The following COL4A5 variants were observed in gnomAD, a reference collection of about 807,000 sequenced individuals.
COL4A5 encodes collagen type IV alpha 5 chain.
Under a neutral mutation model 130.2 loss-of-function variants are expected in COL4A5, and 26 were observed. That is an observed-to-expected ratio of 0.20 (90% CI 0.15 to 0.28). COL4A5 has a LOEUF of 0.28. Ranked by LOEUF, COL4A5 falls within the 10% of genes least tolerant of loss-of-function variation. COL4A5 has a pLI of 1.00. For missense variants in COL4A5, 1,131 were observed against 1,344.3 expected (o/e 0.84, Z 2.48); for synonymous variants, 496 against 439.6 (o/e 1.13, Z -1.60).
At chrX:108,518,605 GA>G (rs1271618433) in intron 1 of COL4A5, among the ~76,000 whole-genome samples, 4 of 110,407 alleles carry the variant, frequency 3.6e-5, no homozygotes, top group Non-Finnish European at 5.7e-5. Flanking sequence ...ACATTAGGGG[GA>G]AAAAACATAT....
At chrX:108,496,485 T>C (rs1211526186) in intron 1 of COL4A5, among the ~76,000 whole-genome samples, 1 of 111,819 alleles carries the variant, frequency 8.9e-6, no homozygotes, top group African/African-American at 3.2e-5. Context: ...GAATATGTTC[T>C]ATCTTGGTGT....
chrX:108,591,064 C>A lies in COL4A5; in HGVS notation c.1172C>A (p.Ala391Glu). ...PPGLPGPPGA[A>E]VMGPPGPPGF... ...TCACTTTTTTGAATCTTAGGGGCTG[C>A]AGTTATGGGTCCTCCTGGCCCTCCT... The change falls in exon 20 of 53, where the codon GCA (alanine) becomes GAA (glutamate). Residue 391 changes from alanine to glutamate, a missense_variant. Ala to Glu is a moderately radical substitution (Grantham distance 107). Coordinates refer to ENST00000328300, the MANE Select transcript of COL4A5 (RefSeq NM_033380.3). The A allele has an allele frequency of 8.3e-7, 1 of 1,208,768 alleles. No individual in the cohort carries two copies. The highest frequency in any genetic ancestry group is 1.1e-6 in the Non-Finnish European group (1 of 894,184).
intron 1 of COL4A5, among the ~76,000 whole-genome samples, chrX:108,446,387 G>A (rs2064452309): frequency 8.9e-6 from 1 of 112,084 alleles, no homozygotes; most frequent in African/African-American, 3.2e-5. Flanking sequence ...ATCGTAAGAA[G>A]TGCTGCCATG....
At chrX:108,458,606 A>G (rs1246811760) in intron 1 of COL4A5, among the ~76,000 whole-genome samples, 2 of 111,779 alleles carry the variant, frequency 1.8e-5, no homozygotes, top group African/African-American at 6.5e-5. Flanking sequence ...TATTTAATCT[A>G]TAGGTCATTT....
intron 1 of COL4A5, among the ~76,000 whole-genome samples, chrX:108,442,445 A>T (rs1487772305): frequency 8.9e-6 from 1 of 111,888 alleles, no homozygotes; most frequent in Non-Finnish European, 1.9e-5. Context: ...AGTTGGAAAT[A>T]TAATTTTTAG....
At position 108,687,579 on chromosome X, in the gene COL4A5, A is replaced by C; in HGVS notation, c.4413A>C (p.Thr1471=). 1.7e-6 allele frequency: 2 copies of C among 1,211,340 alleles called. No homozygotes were observed. The highest frequency in any genetic ancestry group is 3.5e-5 in the African/African-American group (2 of 57,708). Residue 1471 remains threonine (T), a synonymous_variant, in exon 49 of 53, where the codon ACA becomes ACC. Transcript: ENST00000328300. ...CTGTTGCACATGGATTTCTTATTAC[A>C]CGCCACAGCCAGACAACGGATGCAC... The part of the protein sequence containing the change: ...TSSVAHGFLI[T]RHSQTTDAPQ...
At chrX:108,449,498 G>C (rs762924929) in intron 1 of COL4A5, among the ~76,000 whole-genome samples, 1 of 111,770 alleles carries the variant, frequency 8.9e-6, no homozygotes, top group Non-Finnish European at 1.9e-5. Flanking sequence ...GGACCCCTAC[G>C]GTTCCTGAAA....
At chrX:108,661,825 C>G (rs745398426) in intron 37 of COL4A5, among the ~76,000 whole-genome samples, 1 of 111,162 alleles carries the variant, frequency 9.0e-6, no homozygotes, top group Admixed American at 9.6e-5. Context: ...CTTTGTCTTA[C>G]GTGTATCCCT....
intron 1 of COL4A5, among the ~76,000 whole-genome samples, chrX:108,444,421 A>G (rs1296768100): frequency 5.4e-5 from 6 of 110,763 alleles, no homozygotes; most frequent in African/African-American, 2.0e-4. Context: ...GGGTTTCACC[A>G]TGTTAGCCAG....
chrX:108,691,411 C>T (rs2068638059), intron 49 of COL4A5, among the ~76,000 whole-genome samples: 2 of 111,166 alleles, frequency 1.8e-5, no homozygotes, highest in Non-Finnish European at 3.8e-5. Flanking sequence ...TTAAAGTCTC[C>T]ATTAACTCAA....
chrX:108,456,359 C>A (rs2064584624), intron 1 of COL4A5, among the ~76,000 whole-genome samples: 1 of 112,042 alleles, frequency 8.9e-6, no homozygotes, highest in African/African-American at 3.2e-5. Context: ...ACTTTATGCA[C>A]AGTTCTATTA....
At chrX:108,556,649 A>G (rs2065825964) in intron 2 of COL4A5, among the ~76,000 whole-genome samples, 1 of 111,483 alleles carries the variant, frequency 9.0e-6, no homozygotes, top group Non-Finnish European at 1.9e-5. Flanking sequence ...GAAAATCTAC[A>G]GTAGTTGTAA....
chrX:108,628,204 T>C (rs905041239), intron 36 of COL4A5, among the ~76,000 whole-genome samples: 1 of 111,108 alleles, frequency 9.0e-6, no homozygotes, highest in Non-Finnish European at 1.9e-5. Context: ...GGTTCATGAT[T>C]ACAAACATAT....
At chrX:108,516,287 G>T (rs747321306) in intron 1 of COL4A5, among the ~76,000 whole-genome samples, 5 of 112,136 alleles carry the variant, frequency 4.5e-5, no homozygotes, top group African/African-American at 1.3e-4. Context: ...TCGAACACAG[G>T]TTTTGACTGC....
intron 1 of COL4A5, among the ~76,000 whole-genome samples, chrX:108,452,891 C>T (rs2064539091): frequency 9.0e-6 from 1 of 110,871 alleles, no homozygotes; most frequent in African/African-American, 3.3e-5. Flanking sequence ...AGAGGGCATC[C>T]CTGTCTTGTG....
chrX:108,551,676 C>G (rs1224004829), intron 2 of COL4A5, among the ~76,000 whole-genome samples: 2 of 111,442 alleles, frequency 1.8e-5, no homozygotes, highest in Non-Finnish European at 3.8e-5. Context: ...GAACTTAAAA[C>G]AGAATTCCCA....
intron 26 of COL4A5, 124 bp downstream of exon 26, chrX:108,601,609 A>G: frequency 3.8e-6 from 2 of 521,913 alleles, no homozygotes. Context: ...TTGCTGCAGC[A>G]ACCTCCTACT....
At chrX:108,545,597 G>A (rs2065634032) in intron 2 of COL4A5, among the ~76,000 whole-genome samples, 2 of 111,658 alleles carry the variant, frequency 1.8e-5, no homozygotes, top group Non-Finnish European at 1.9e-5. Flanking sequence ...GATTTGGGGT[G>A]GAGAGTTCTG....
intron 4 of COL4A5, among the ~76,000 whole-genome samples, chrX:108,565,057 A>G (rs1443560645): frequency 9.0e-6 from 1 of 111,623 alleles, no homozygotes. Context: ...TAATATCCCT[A>G]TAGTTAACAT....
Sources: gnomAD v4.1 joint callset for allele counts (sites outside exome capture counted in the v4.1 genomes callset) on GRCh38, gnomAD v4.1.1 for gene constraint, MANE v1.5 for transcripts, NCBI Gene and HGNC (gene_info 2026-07-23, HGNC 2026-07-21) for gene names.